DNAI2: variants seen among roughly 807,000 people sequenced by gnomAD.
The protein encoded by DNAI2 is dynein, axonemal, intermediate polypeptide 2.
A neutral mutation model predicts 74.7 loss-of-function variants in DNAI2; 63 were observed. That is an observed-to-expected ratio of 0.84 (90% CI 0.69 to 1.04). DNAI2 has a LOEUF of 1.04. DNAI2 is among the 50% of genes least tolerant of loss of function. DNAI2 has a pLI of 0.00. For missense variants in DNAI2, 688 were observed against 803.2 expected (o/e 0.86, Z 1.73); for synonymous variants, 289 against 314.9 (o/e 0.92, Z 0.87).
chr17:74,311,535 C>T (rs1035027379), intron 11 of DNAI2, among the ~76,000 whole-genome samples: 3 of 152,184 alleles, frequency 2.0e-5, no homozygotes, highest in Non-Finnish European at 4.4e-5. Context: ...ATTGCTTGAA[C>T]GTGGGAAGCA....
In DNAI2 at chr17:74,311,336, G is replaced by A. The variant is rs140784879; in HGVS notation, c.1495-667G>A. On this transcript the variant is annotated intron_variant, in intron 11 of 13. Coordinates refer to ENST00000311014, the MANE Select transcript of DNAI2 (RefSeq NM_023036.6). ...ACTGAAAACCCCTAGTGCTAGGGCC[G>A]GGTGTGGTGGCTCACGCCTGTAATC... Among the ~76,000 whole-genome samples the A allele has an allele frequency of 4.5e-3, 684 of 152,134 alleles. 2 individuals carry two copies. Among genetic ancestry groups the A allele is most frequent in the Non-Finnish European group, 7.1e-3 (480 of 67,980 alleles).
chr17:74,285,874 A>G (rs1280090056), intron 3 of DNAI2, among the ~76,000 whole-genome samples: 4 of 151,996 alleles, frequency 2.6e-5, no homozygotes, highest in African/African-American at 4.8e-5. Flanking sequence ...GACATTTGCA[A>G]TAAAGGGGAG....
At position 74,279,098 on chromosome 17, in the gene DNAI2, C is replaced by T. The variant is rs544869608; in HGVS notation, c.-11-2709C>T. The stretch of plus-strand genomic sequence containing the variant: ...AGAAGAATGGCGTGAACCCGGGAGG[C>T]GGAGCTTGCAGTGAGCTGAGATCGT... On this transcript the variant is annotated intron_variant, in intron 1 of 13. Transcript: ENST00000311014. Among the ~76,000 whole-genome samples, 3 of 152,004 alleles carry T rather than the reference C, an allele frequency of 2.0e-5. No individual in the cohort carries two copies. In the South Asian group the frequency reaches 6.2e-4, roughly 32 times the overall value.
chr17:74,302,930 A>G (rs900979063), intron 8 of DNAI2, among the ~76,000 whole-genome samples: 2 of 152,222 alleles, frequency 1.3e-5, no homozygotes, highest in Non-Finnish European at 2.9e-5. Context: ...AGGACAAGGC[A>G]CTGGGCAGGG....
chr17:74,297,109 A>G (rs2052490330), intron 6 of DNAI2, among the ~76,000 whole-genome samples: 1 of 152,182 alleles, frequency 6.6e-6, no homozygotes, highest in African/African-American at 2.4e-5. Context: ...TCTTTGAGAC[A>G]GAGTCTCGCT....
chr17:74,280,814 C>A (rs555168095), intron 1 of DNAI2, among the ~76,000 whole-genome samples: 1 of 152,146 alleles, frequency 6.6e-6, no homozygotes, highest in Admixed American at 6.6e-5. Context: ...GTACCACGTG[C>A]GATGGCTCAT....
intron 5 of DNAI2, 83 bp from the exon 6 acceptor site, chr17:74,290,937 C>T: frequency 8.2e-7 from 1 of 1,225,612 alleles, no homozygotes; most frequent in Non-Finnish European, 1.2e-6. Context: ...GCCCCCGCTA[C>T]CCACCCGCAG....
intron 4 of DNAI2, among the ~76,000 whole-genome samples, chr17:74,287,392 G>C (rs2051817898): frequency 6.6e-6 from 1 of 152,230 alleles, no homozygotes; most frequent in Non-Finnish European, 1.5e-5. Flanking sequence ...AGCATGAGCA[G>C]CTAGCAGCAC....
At chr17:74,282,907 G>A (rs1325458716) in intron 2 of DNAI2, among the ~76,000 whole-genome samples, 1 of 152,204 alleles carries the variant, frequency 6.6e-6, no homozygotes, top group Non-Finnish European at 1.5e-5. Context: ...AAATGAATTA[G>A]GTGCTTCTCT....
chr17:74,295,931 G>A (rs568624318), intron 6 of DNAI2, among the ~76,000 whole-genome samples: 135 of 152,246 alleles, frequency 8.9e-4, no homozygotes, highest in Non-Finnish European at 1.7e-3. Context: ...CTCTGTGTGC[G>A]TGTGTGAGCA....
intron 6 of DNAI2, among the ~76,000 whole-genome samples, chr17:74,294,298 C>CTTTT (rs113049803): frequency 5.7e-5 from 8 of 139,650 alleles, no homozygotes; most frequent in Admixed American, 7.2e-5. Context: ...CTTATCATTT[C>CTTTT]TTTTTTTTTT....
chr17:74,285,006 G>A (rs773555176), intron 2 of DNAI2, 34 bp from the exon 3 acceptor site: 9 of 1,613,652 alleles, frequency 5.6e-6, no homozygotes, highest in African/African-American at 2.7e-5. Flanking sequence ...AGTATACCAG[G>A]GTGACGTCTT....
chr17:74,275,416 T>C (rs771835572), intron 1 of DNAI2, among the ~76,000 whole-genome samples: 3 of 152,048 alleles, frequency 2.0e-5, no homozygotes, highest in Non-Finnish European at 4.4e-5. Context: ...TTCCAGAAGG[T>C]GCACAAGGAC....
intron 6 of DNAI2, among the ~76,000 whole-genome samples, chr17:74,296,049 G>A (rs1351844120): frequency 1.3e-5 from 2 of 152,132 alleles, no homozygotes; most frequent in African/African-American, 2.4e-5. Flanking sequence ...GCATGACACA[G>A]CTCTGGGCGT....
chr17:74,283,242 G>A (rs1463607775), intron 2 of DNAI2, among the ~76,000 whole-genome samples: 2 of 152,166 alleles, frequency 1.3e-5, no homozygotes, highest in African/African-American at 4.8e-5. Flanking sequence ...GTATAATAAC[G>A]CTGCTGCAGT....
intron 2 of DNAI2, among the ~76,000 whole-genome samples, chr17:74,282,686 C>A (rs536569194): frequency 1.3e-5 from 2 of 152,306 alleles, no homozygotes; most frequent in African/African-American, 4.8e-5. Context: ...ACAGAAAGTT[C>A]CAGCCAGAGG....
At chr17:74,277,590 C>T (rs1377159271) in intron 1 of DNAI2, among the ~76,000 whole-genome samples, 1 of 152,190 alleles carries the variant, frequency 6.6e-6, no homozygotes. Flanking sequence ...CCCAAGTTCC[C>T]CCTGGCACAT....
intron 6 of DNAI2, among the ~76,000 whole-genome samples, chr17:74,297,306 A>G (rs2052505314): frequency 6.7e-6 from 1 of 149,230 alleles, no homozygotes; most frequent in African/African-American, 2.5e-5. Flanking sequence ...GTTAGCCAGG[A>G]TGGTCTTGAT....
chr17:74,311,902 A>C, intron 11 of DNAI2, 101 bp from the exon 12 acceptor site: 2 of 1,105,126 alleles, frequency 1.8e-6, no homozygotes, highest in Non-Finnish European at 2.7e-6. Context: ...CTGTATGGAG[A>C]GCAAGGAGAG....
Sources: allele counts gnomAD v4.1 joint callset (sites outside exome capture counted in the v4.1 genomes callset), GRCh38; gene constraint gnomAD v4.1.1; transcripts MANE v1.5; gene names NCBI Gene and HGNC (gene_info 2026-07-23, HGNC 2026-07-21).